The following TMEM132B variants were observed in gnomAD, a reference collection of about 807,000 sequenced individuals.
The protein encoded by TMEM132B is transmembrane protein 132B.
A neutral mutation model predicts 90.8 loss-of-function variants in TMEM132B; 18 were observed. That is an observed-to-expected ratio of 0.20 (90% CI 0.14 to 0.29). The LOEUF (loss-of-function observed/expected upper bound fraction) is 0.29, where lower values mean the gene tolerates loss of function less well. TMEM132B is among the 10% of genes least tolerant of loss of function. TMEM132B has a pLI of 1.00. For missense variants in TMEM132B, 1,096 were observed against 1,326.8 expected (o/e 0.83, Z 2.70); for synonymous variants, 504 against 523.3 (o/e 0.96, Z 0.50).
At chr12:125,563,636 G>C (rs1884597203) in intron 4 of TMEM132B, among the ~76,000 whole-genome samples, 1 of 151,908 alleles carries the variant, frequency 6.6e-6, no homozygotes, top group South Asian at 2.1e-4. Context: ...GTGCAATAAG[G>C]TGAAGCCAAG....
intron 1 of TMEM132B, chr12:125,301,877 TCAAAACAAAA>T (rs149322500): frequency 4.9e-5 from 7 of 143,956 alleles, no homozygotes; most frequent in South Asian, 4.6e-4. Context: ...AGACTCCGTC[TCAAAACAAAA>T]CAAAACAAAA....
chr12:125,379,050 G>A (rs538323514), intron 2 of TMEM132B, among the ~76,000 whole-genome samples: 2 of 152,282 alleles, frequency 1.3e-5, no homozygotes, highest in Admixed American at 1.3e-4. Context: ...AGGTTGAAAT[G>A]TGGATCTGCC....
In TMEM132B at chr12:125,484,745, C is replaced by G. The variant is rs143294472; in HGVS notation, c.1107-34694C>G. On this transcript the variant is annotated intron_variant, in intron 3 of 8. Coordinates refer to ENST00000682704, the MANE Select transcript of TMEM132B (RefSeq NM_001366854.1). ...TCCCAGGCTCAAGCAATCTTCCCCC[C>G]TCAGCCTCCATGCCCAGCTAATTTT... is the stretch of plus-strand genomic sequence containing the variant. Among the ~76,000 whole-genome samples the G allele has an allele frequency of 1.4e-3, 217 of 152,208 alleles. 1 individual carries two copies. Among genetic ancestry groups the G allele is most frequent in the African/African-American group, 5.0e-3 (207 of 41,540 alleles).
intron 5 of TMEM132B, among the ~76,000 whole-genome samples, chr12:125,622,934 C>T (rs11610341): frequency 0.17 from 26,630 of 152,176 alleles, 2,557 homozygotes; most frequent in African/African-American, 0.23. Flanking sequence ...GCAGTTCTCT[C>T]TTTCTCCCCT....
intron 3 of TMEM132B, among the ~76,000 whole-genome samples, chr12:125,444,877 A>C (rs969311320): frequency 2.6e-5 from 4 of 152,152 alleles, no homozygotes; most frequent in Non-Finnish European, 4.4e-5. Context: ...AAGAAATTCT[A>C]CTTGTAGAAT....
intron 2 of TMEM132B, among the ~76,000 whole-genome samples, chr12:125,357,939 C>G (rs1233446044): frequency 6.6e-6 from 1 of 152,246 alleles, no homozygotes; most frequent in Non-Finnish European, 1.5e-5. Context: ...CAGTCTCCCC[C>G]ATCCCTGGGT....
chr12:125,391,620 G>C (rs1265151324), intron 2 of TMEM132B, among the ~76,000 whole-genome samples: 1 of 152,168 alleles, frequency 6.6e-6, no homozygotes, highest in Admixed American at 6.5e-5. Context: ...GGCAGTCTGT[G>C]TGCGTGGACA....
Position 125,661,322 on chromosome 12 carries a change from A to G in TMEM132B, c.*6612A>G, listed in dbSNP as rs1409238457. 6.6e-6 allele frequency: 1 copy of G among 152,198 alleles called. No individual in the cohort carries two copies. The highest frequency in any genetic ancestry group is 1.5e-5 in the Non-Finnish European group (1 of 68,058). 9.4% of individuals were successfully genotyped at this position (152,198 alleles called of 1,614,324 possible). ...CATAGTAGAAGCATTTTCCATTTCC[A>G]TGAATATTACAGGCTGAGAAGGAGC... On this transcript the variant is annotated 3_prime_UTR_variant, in exon 9 of 9. Coordinates refer to ENST00000682704, the MANE Select transcript of TMEM132B (RefSeq NM_001366854.1).
intron 1 of TMEM132B, among the ~76,000 whole-genome samples, chr12:125,210,122 T>G (rs1873287587): frequency 6.6e-6 from 1 of 152,172 alleles, no homozygotes; most frequent in African/African-American, 2.4e-5. Flanking sequence ...TTCAGCATGT[T>G]CAAAGCAGTA....
intron 1 of TMEM132B, among the ~76,000 whole-genome samples, chr12:125,196,643 A>G (rs764508952): frequency 6.6e-6 from 1 of 152,188 alleles, no homozygotes; most frequent in Admixed American, 6.5e-5. Context: ...TGGGAGGCAG[A>G]GTTGCAGTGA....
chr12:125,612,094 G>A (rs1885843541), intron 5 of TMEM132B, among the ~76,000 whole-genome samples: 1 of 151,924 alleles, frequency 6.6e-6, no homozygotes, highest in Non-Finnish European at 1.5e-5. Flanking sequence ...GTTTTTTGGT[G>A]AACATATATT....
chr12:125,579,550 G>A (rs904923074), intron 4 of TMEM132B, among the ~76,000 whole-genome samples: 5 of 151,832 alleles, frequency 3.3e-5, no homozygotes, highest in Admixed American at 6.6e-5. Context: ...TTTTAGTAAA[G>A]GTGGGGTTAC....
At chr12:125,488,696 T>G (rs1361641990) in intron 3 of TMEM132B, among the ~76,000 whole-genome samples, 1 of 152,224 alleles carries the variant, frequency 6.6e-6, no homozygotes, top group East Asian at 1.9e-4. Context: ...CTTAGATATG[T>G]CTTTATCAGC....
At chr12:125,298,122 G>A (rs1875716158) in intron 1 of TMEM132B, among the ~76,000 whole-genome samples, 1 of 152,170 alleles carries the variant, frequency 6.6e-6, no homozygotes, top group Non-Finnish European at 1.5e-5. Flanking sequence ...TGGGCAAGGT[G>A]GCGCGAGCCT....
intron 4 of TMEM132B, among the ~76,000 whole-genome samples, chr12:125,538,181 A>G (rs2136717083): frequency 6.6e-6 from 1 of 152,124 alleles, no homozygotes; most frequent in South Asian, 2.1e-4. Context: ...GTATGGGGTG[A>G]CTCTTCCCAG....
chr12:125,618,936 T>C (rs554072423), intron 5 of TMEM132B, among the ~76,000 whole-genome samples: 1 of 152,332 alleles, frequency 6.6e-6, no homozygotes, highest in South Asian at 2.1e-4. Context: ...AAATTTATGG[T>C]AATTTCTGAG....
At chr12:125,307,381 A>C (rs975988356) in intron 1 of TMEM132B, among the ~76,000 whole-genome samples, 1 of 152,124 alleles carries the variant, frequency 6.6e-6, no homozygotes, top group African/African-American at 2.4e-5. Flanking sequence ...TTCAGTCTGT[A>C]TGGTTGTGAT....
chr12:125,219,522 C>T (rs1054458460), intron 1 of TMEM132B, among the ~76,000 whole-genome samples: 1 of 152,170 alleles, frequency 6.6e-6, no homozygotes, highest in Non-Finnish European at 1.5e-5. Context: ...TGCCTGGATC[C>T]CCAGAGCTGG....
Position 125,571,171 on chromosome 12 carries a change from C to T in TMEM132B, c.1294-12680C>T, listed in dbSNP as rs748287668. 4.6e-5 allele frequency among the ~76,000 whole-genome samples: 7 copies of T among 152,250 alleles called. No homozygotes were observed. The East Asian group carries it at 5.8e-4, about 13-fold the overall frequency. ...CTGAGAGGAGACCCAGCGCAGCAGCCGGGATCGGGGACTCTGGTGTCAAAT... is the reference window on the plus strand; with the variant it reads ...CTGAGAGGAGACCCAGCGCAGCAGCTGGGATCGGGGACTCTGGTGTCAAAT... On this transcript the variant is annotated intron_variant, in intron 4 of 8. Coordinates refer to ENST00000682704, the MANE Select transcript of TMEM132B (RefSeq NM_001366854.1).
Sources: allele counts gnomAD v4.1 joint callset (sites outside exome capture counted in the v4.1 genomes callset), GRCh38; gene constraint gnomAD v4.1.1; transcripts MANE v1.5; gene names NCBI Gene and HGNC (gene_info 2026-07-23, HGNC 2026-07-21).